Variants in TIAM2 observed in about 807,000 individuals in gnomAD.
TIAM2 encodes rho guanine nucleotide exchange factor TIAM2.
TIAM2 carries 80 observed loss-of-function variants against 152.9 expected under a neutral mutation model. That is an observed-to-expected ratio of 0.52 (90% CI 0.44 to 0.63). The LOEUF (loss-of-function observed/expected upper bound fraction) is 0.63, where lower values mean the gene tolerates loss of function less well. Ranked by LOEUF, TIAM2 falls within the 30% of genes least tolerant of loss-of-function variation. The probability of loss-of-function intolerance (pLI) is 0.00; values close to 1 mark genes in which losing one functional copy is unlikely to be tolerated. For synonymous variants in TIAM2, 804 were observed against 838.0 expected, an observed-to-expected ratio of 0.96 and a Z score of 0.70; for missense variants, 1,965 against 2,120.1, an observed-to-expected ratio of 0.93 and a Z score of 1.44.
At chr6:155,030,412 T>C (rs1452690350) in intron 1 of TIAM2, among the ~76,000 whole-genome samples, 2 of 152,146 alleles carry the variant, frequency 1.3e-5, no homozygotes, top group Middle Eastern at 3.2e-3. Flanking sequence ...TCACATTTTG[T>C]TACTATGATC....
intron 1 of TIAM2, among the ~76,000 whole-genome samples, chr6:155,019,181 CA>C (rs1436323363): frequency 6.6e-6 from 1 of 151,374 alleles, no homozygotes; most frequent in African/African-American, 2.4e-5. Flanking sequence ...ACTAAAAATA[CA>C]AAAAAATTAG....
intron 1 of TIAM2, among the ~76,000 whole-genome samples, chr6:155,086,151 C>CAG (rs2114973329): frequency 6.6e-6 from 1 of 152,268 alleles, no homozygotes; most frequent in Non-Finnish European, 1.5e-5. Context: ...GTGAGGAACG[C>CAG]AGAGAGGGTC....
intron 15 of TIAM2, among the ~76,000 whole-genome samples, chr6:155,222,082 T>C (rs1021927069): frequency 1.3e-5 from 2 of 151,990 alleles, no homozygotes; most frequent in East Asian, 2.0e-4. Flanking sequence ...GCCTCCTCAG[T>C]ACCTGGGACC....
intron 2 of TIAM2, among the ~76,000 whole-genome samples, chr6:155,099,180 T>TCCC (rs1368969782): frequency 1.3e-5 from 2 of 151,386 alleles, no homozygotes; most frequent in Non-Finnish European, 2.9e-5. Context: ...AGAGCAAAAC[T>TCCC]CCATGTCTCT....
intron 15 of TIAM2, among the ~76,000 whole-genome samples, chr6:155,215,451 T>C (rs1266157904): frequency 6.6e-6 from 1 of 152,254 alleles, no homozygotes; most frequent in African/African-American, 2.4e-5. Context: ...GCATTTGCTG[T>C]AAAATCCCTC....
chr6:155,158,692 C>T (rs967657557), intron 7 of TIAM2, among the ~76,000 whole-genome samples: 1 of 151,876 alleles, frequency 6.6e-6, no homozygotes, highest in Non-Finnish European at 1.5e-5. Context: ...ATAGATGGGG[C>T]TACAGGTGTG....
intron 15 of TIAM2, among the ~76,000 whole-genome samples, chr6:155,227,490 G>A (rs917191748): frequency 3.9e-5 from 6 of 152,154 alleles, no homozygotes; most frequent in Admixed American, 6.5e-5. Context: ...CACGGATCGC[G>A]CCCAGCCCTG....
intron 9 of TIAM2, among the ~76,000 whole-genome samples, chr6:155,173,391 C>A (rs2115121696): frequency 6.6e-6 from 1 of 152,286 alleles, no homozygotes; most frequent in South Asian, 2.1e-4. Context: ...TAGCACAGCA[C>A]CTTGTTTAAT....
chr6:155,114,708 C>T (rs1778969690), intron 2 of TIAM2, among the ~76,000 whole-genome samples: 2 of 151,986 alleles, frequency 1.3e-5, no homozygotes, highest in South Asian at 4.2e-4. Flanking sequence ...TCATCCCCAG[C>T]CACGGAAACC....
At chr6:155,160,781 A>G (rs1233014594) in intron 7 of TIAM2, among the ~76,000 whole-genome samples, 1 of 151,976 alleles carries the variant, frequency 6.6e-6, no homozygotes, top group Non-Finnish European at 1.5e-5. Context: ...ACAAAAACAA[A>G]CAAACAAACA....
At chr6:155,248,580 A>G (rs3011904) in intron 20 of TIAM2, among the ~76,000 whole-genome samples, 53,982 of 152,128 alleles carry the variant, frequency 0.35, 10,414 homozygotes, top group Middle Eastern at 0.51. Flanking sequence ...GCTGCTGGTC[A>G]GATTTGTTGG....
chr6:155,195,955 T>C (rs549521438), intron 14 of TIAM2, among the ~76,000 whole-genome samples: 7 of 152,072 alleles, frequency 4.6e-5, no homozygotes, highest in East Asian at 1.9e-4. Flanking sequence ...TCAAAGACCA[T>C]TGTGAGGTCC....
At chr6:155,178,899 C>T in intron 10 of TIAM2, 140 bp from the exon 11 acceptor site, 1 of 683,800 alleles carries the variant, frequency 1.5e-6, no homozygotes. Context: ...TAAATTCGAG[C>T]TCTTATATAG....
rs369523558 is a variant in TIAM2 at position 155,252,974 on chromosome 6, C to A, written c.4146C>A (p.Asn1382Lys). 2.5e-6 allele frequency: 4 copies of A among 1,614,216 alleles called. No individual in the cohort carries two copies. Among genetic ancestry groups the A allele is most frequent in the Non-Finnish European group, 3.4e-6 (4 of 1,180,046 alleles). ...KLPSNSRPAH[N>K]STDLDPFKFR... The stretch of plus-strand genomic sequence containing the variant: ...CCTCGAATTCCCGGCCTGCACACAA[C>A]TCTACTGACTTGGACCCATTTAAAT... The change falls in exon 24 of 27, where the codon AAC (asparagine) becomes AAA (lysine). Residue 1382 changes from asparagine to lysine, a missense_variant. Around this residue, in one of 3 missense-constraint regions of TIAM2, gnomAD observed 935 missense variants for 980.0 expected, o/e 0.95. Transcript: ENST00000682666.
intron 14 of TIAM2, among the ~76,000 whole-genome samples, chr6:155,193,188 T>G (rs1270380423): frequency 6.6e-6 from 1 of 152,100 alleles, no homozygotes; most frequent in Non-Finnish European, 1.5e-5. Context: ...GAGGATGGCT[T>G]GAGGCCAGGA....
At chr6:155,095,231 G>T (rs1778394382) in intron 2 of TIAM2, among the ~76,000 whole-genome samples, 2 of 152,184 alleles carry the variant, frequency 1.3e-5, no homozygotes, top group Non-Finnish European at 2.9e-5. Context: ...ATAACCGAGG[G>T]AGTGGGCTCA....
intron 24 of TIAM2, chr6:155,253,589 C>T (rs1375288181): frequency 3.4e-5 from 6 of 176,324 alleles, no homozygotes; most frequent in Admixed American, 1.8e-4. Context: ...CTTATGTTTT[C>T]GAGAAAATGA....
At chr6:155,164,139 TTTTTTTC>T (rs1399272516) in intron 7 of TIAM2, among the ~76,000 whole-genome samples, 2 of 140,360 alleles carry the variant, frequency 1.4e-5, no homozygotes, top group Non-Finnish European at 3.1e-5. Context: ...TTGTGTTTTT[TTTTTTTC>T]TTTTTTTTAG....
chr6:155,144,927 G>A, intron 6 of TIAM2, 149 bp downstream of exon 6: 1 of 862,812 alleles, frequency 1.2e-6, no homozygotes, highest in Non-Finnish European at 1.7e-6. Context: ...GGCTTCCGCT[G>A]ACTGCCAAGG....
Sources: allele counts gnomAD v4.1 joint callset (sites outside exome capture counted in the v4.1 genomes callset), GRCh38; gene constraint gnomAD v4.1.1; regional missense constraint gnomAD v4.1.1; transcripts MANE v1.5; gene names NCBI Gene and HGNC (gene_info 2026-07-23, HGNC 2026-07-21).